ROBO1: variants seen among roughly 807,000 people sequenced by gnomAD.
ROBO1 encodes roundabout homolog 1.
In ROBO1, 149 loss-of-function variants were observed where a neutral mutation model predicts 195.9. That is an observed-to-expected ratio of 0.76 (90% CI 0.67 to 0.87). The LOEUF (loss-of-function observed/expected upper bound fraction) is 0.87. ROBO1 is among the 40% of genes least tolerant of loss of function. The pLI, the probability that ROBO1 is intolerant of heterozygous loss-of-function variation, is 0.00. For missense variants in ROBO1, 1,933 were observed against 2,068.3 expected, an observed-to-expected ratio of 0.93 and a Z score of 1.27; for synonymous variants, 816 against 733.2, an observed-to-expected ratio of 1.11 and a Z score of -1.82.
At chr3:79,399,101 T>C (rs993756074) in intron 2 of ROBO1, among the ~76,000 whole-genome samples, 7 of 152,098 alleles carry the variant, frequency 4.6e-5, no homozygotes, top group African/African-American at 1.4e-4. Flanking sequence ...TTCAGATCAA[T>C]AGCAGATTCC....
intron 3 of ROBO1, among the ~76,000 whole-genome samples, chr3:79,095,618 C>A (rs1217016812): frequency 6.6e-6 from 1 of 152,014 alleles, no homozygotes; most frequent in Non-Finnish European, 1.5e-5. Context: ...GATTCTTTAC[C>A]TTTGGAGACT....
chr3:79,383,535 G>A (rs1244947997), intron 2 of ROBO1, among the ~76,000 whole-genome samples: 1 of 152,004 alleles, frequency 6.6e-6, no homozygotes, highest in African/African-American at 2.4e-5. Flanking sequence ...ACTCACAACA[G>A]TCAGTCTCAT....
chr3:79,380,937 T>C (rs1375461961), intron 2 of ROBO1, among the ~76,000 whole-genome samples: 2 of 152,168 alleles, frequency 1.3e-5, no homozygotes, highest in Non-Finnish European at 1.5e-5. Flanking sequence ...GAGACTGAGA[T>C]GCTACTAGAC....
chr3:78,932,257 AAGG>A (rs1306455794), intron 4 of ROBO1, among the ~76,000 whole-genome samples: 3 of 152,222 alleles, frequency 2.0e-5, no homozygotes, highest in Non-Finnish European at 2.9e-5. Context: ...CTGTTGATAC[AAGG>A]AGACACTGCC....
At chr3:78,704,058 T>C (rs575070679) in intron 8 of ROBO1, among the ~76,000 whole-genome samples, 6 of 152,262 alleles carry the variant, frequency 3.9e-5, no homozygotes, top group Admixed American at 2.0e-4. Context: ...AAAATGTTGA[T>C]GAACTCACAG....
intron 27 of ROBO1, among the ~76,000 whole-genome samples, 155 bp downstream of exon 27, chr3:78,617,480 C>G (rs959994804): frequency 6.7e-6 from 1 of 148,574 alleles, no homozygotes; most frequent in Non-Finnish European, 1.5e-5. Flanking sequence ...AAGTCATATT[C>G]TTGGACTGTC....
At chr3:78,762,306 T>C (rs1310761609) in intron 4 of ROBO1, among the ~76,000 whole-genome samples, 1 of 152,036 alleles carries the variant, frequency 6.6e-6, no homozygotes, top group Non-Finnish European at 1.5e-5. Context: ...AGTTGAGTCA[T>C]AAAAAGGATT....
At chr3:79,218,975 C>A (rs1445025425) in intron 2 of ROBO1, among the ~76,000 whole-genome samples, 1 of 151,890 alleles carries the variant, frequency 6.6e-6, no homozygotes, top group East Asian at 1.9e-4. Context: ...ATCCATAATC[C>A]ATAAACTATA....
chr3:79,314,331 G>T (rs1357402021), intron 2 of ROBO1, among the ~76,000 whole-genome samples: 3 of 152,164 alleles, frequency 2.0e-5, no homozygotes, highest in African/African-American at 7.2e-5. Flanking sequence ...TGTGTCATGG[G>T]AGAGACCCGG....
chr3:78,730,418 T>C (rs2082260566), intron 5 of ROBO1, among the ~76,000 whole-genome samples: 1 of 121,892 alleles, frequency 8.2e-6, no homozygotes, highest in African/African-American at 2.5e-5. Context: ...TGATATAGAT[T>C]GACCAATTTT....
chr3:79,004,535 A>G (rs1434147611), intron 3 of ROBO1, among the ~76,000 whole-genome samples: 1 of 152,156 alleles, frequency 6.6e-6, no homozygotes, highest in Non-Finnish European at 1.5e-5. Context: ...CTAGAGAAAC[A>G]TAAGAAATAC....
chr3:79,214,912 T>G (rs2082028788), intron 2 of ROBO1, among the ~76,000 whole-genome samples: 1 of 151,732 alleles, frequency 6.6e-6, no homozygotes, highest in African/African-American at 2.4e-5. Flanking sequence ...AACGTCATTT[T>G]GTTTGTGAAT....
intron 2 of ROBO1, among the ~76,000 whole-genome samples, chr3:79,368,852 A>C (rs988271697): frequency 2.0e-5 from 3 of 152,150 alleles, no homozygotes; most frequent in African/African-American, 7.2e-5. Flanking sequence ...AGATACCCCC[A>C]ACAGATCAAA....
chr3:79,721,498 C>A (rs1460715042), intron 1 of ROBO1, among the ~76,000 whole-genome samples: 1 of 152,128 alleles, frequency 6.6e-6, no homozygotes, highest in East Asian at 1.9e-4. Context: ...TCTGGACGGA[C>A]ACATTATTGT....
At chr3:79,320,293 C>T (rs1379820352) in intron 2 of ROBO1, among the ~76,000 whole-genome samples, 1 of 152,110 alleles carries the variant, frequency 6.6e-6, no homozygotes, top group Non-Finnish European at 1.5e-5. Flanking sequence ...CATGAGGACT[C>T]CACCTTCGTG....
intron 1 of ROBO1, among the ~76,000 whole-genome samples, chr3:79,682,447 C>T (rs1173325034): frequency 2.0e-5 from 3 of 151,822 alleles, no homozygotes; most frequent in Admixed American, 1.3e-4. Context: ...AGAAAGTAAG[C>T]GTTAATAAAA....
chr3:78,772,430 C>T (rs961055612), intron 4 of ROBO1, among the ~76,000 whole-genome samples: 1 of 151,926 alleles, frequency 6.6e-6, no homozygotes, highest in African/African-American at 2.4e-5. Context: ...TGTAAAAGGA[C>T]GTAACTAAAA....
At chr3:79,404,224 G>A (rs2037464654) in intron 2 of ROBO1, among the ~76,000 whole-genome samples, 1 of 152,026 alleles carries the variant, frequency 6.6e-6, no homozygotes, top group African/African-American at 2.4e-5. Flanking sequence ...AGGCAACAAA[G>A]TTACACTGGA....
chr3:79,687,517 A>C (rs1947157027), intron 1 of ROBO1, among the ~76,000 whole-genome samples: 1 of 152,190 alleles, frequency 6.6e-6, no homozygotes, highest in South Asian at 2.1e-4. Context: ...GAACTCAAAC[A>C]AATTTACAAG....
Sources: allele counts gnomAD v4.1 joint callset (sites outside exome capture counted in the v4.1 genomes callset), GRCh38; gene constraint gnomAD v4.1.1; transcripts MANE v1.5; gene names NCBI Gene and HGNC (gene_info 2026-07-23, HGNC 2026-07-21).